The following GRPEL1 variants were observed in gnomAD, a reference collection of about 807,000 sequenced individuals.
GRPEL1 encodes grpE protein homolog 1, mitochondrial.
Under a neutral mutation model 22.1 loss-of-function variants are expected in GRPEL1, and 13 were observed. The observed-to-expected ratio is 0.59, with a 90% CI of 0.38 to 0.94. The LOEUF (loss-of-function observed/expected upper bound fraction) is 0.94, where lower values mean the gene tolerates loss of function less well. Ranked by LOEUF, GRPEL1 falls within the 40% of genes least tolerant of loss-of-function variation. The pLI is 0.00. For missense variants in GRPEL1, 289 were observed against 264.6 expected (o/e 1.09, Z -0.64); for synonymous variants, 109 against 105.3 (o/e 1.03, Z -0.21).
At chr4:7,065,096 G>A (rs1239611291) in intron 1 of GRPEL1, among the ~76,000 whole-genome samples, 1 of 152,132 alleles carries the variant, frequency 6.6e-6, no homozygotes, top group Non-Finnish European at 1.5e-5. Flanking sequence ...ACCTAACCAC[G>A]TACTTATGGA....
intron 1 of GRPEL1, among the ~76,000 whole-genome samples, chr4:7,066,707 G>A (rs1724177556): frequency 6.6e-6 from 1 of 152,138 alleles, no homozygotes; most frequent in Admixed American, 6.5e-5. Context: ...ACCCCTTTCC[G>A]AAGCACAGCC....
chr4:7,060,963 C>G lies in GRPEL1; in HGVS notation c.553G>C (p.Gly185Arg). 2 of 1,614,218 alleles carry G rather than the reference C, an allele frequency of 1.2e-6. No individual in the cohort carries two copies. Among genetic ancestry groups the G allele is most frequent in the Non-Finnish European group, 1.7e-6 (2 of 1,180,048 alleles). The change falls in exon 4 of 4, where the codon GGG (glycine) becomes CGG (arginine). Residue 185 changes from glycine (G) to arginine (R), a missense_variant. Gly to Arg is a moderately radical substitution (Grantham distance 125). Transcript: ENST00000264954. ...HEALFHTPVE[G>R]KEPGTVALVS... is the part of the protein sequence containing the mutation. The stretch of plus-strand genomic sequence containing the variant: ...AGGGCCACTGTGCCTGGCTCCTTCC[C>G]CTCAACCGGTGTGTGGAACAAGGCC...
Position 7,060,645 on chromosome 4 carries a change from T to TG in GRPEL1, c.*216dup. On this transcript the variant is annotated 3_prime_UTR_variant, in exon 4 of 4. Transcript: ENST00000264954. ...CCTGCTGAGCTCTTCTGAAAGTATG[T>TG]GGAACTATTCAACGCGTGGCACTAA... 1.7e-6 allele frequency: 1 copy of TG among 576,298 alleles called. No homozygotes were observed. The highest frequency in any genetic ancestry group is 2.2e-5 in the South Asian group (1 of 46,374). 35.7% of individuals were successfully genotyped at this position (576,298 alleles called of 1,614,324 possible).
intron 1 of GRPEL1, among the ~76,000 whole-genome samples, chr4:7,066,987 C>T (rs577547788): frequency 2.0e-5 from 3 of 152,326 alleles, no homozygotes; most frequent in African/African-American, 7.2e-5. Context: ...AAGTATTCCA[C>T]GTGGGTCGTT....
At chr4:7,062,357 A>G in intron 3 of GRPEL1, 28 bp downstream of exon 3, 1 of 1,238,186 alleles carries the variant, frequency 8.1e-7, no homozygotes, top group South Asian at 1.3e-5. Context: ...TTCTTTCCGG[A>G]ATCAACACCA....
At chr4:7,062,738 T>A (rs1724076296) in intron 2 of GRPEL1, among the ~76,000 whole-genome samples, 1 of 152,054 alleles carries the variant, frequency 6.6e-6, no homozygotes, top group South Asian at 2.1e-4. Context: ...GGTCTCCATC[T>A]CCTGACCTTG....
At chr4:7,064,463 T>C (rs1394916657) in intron 1 of GRPEL1, 2 of 326,510 alleles carry the variant, frequency 6.1e-6, no homozygotes, top group Non-Finnish European at 1.1e-5. Context: ...AACATATATA[T>C]ATTTTTTTAG....
intron 3 of GRPEL1, chr4:7,061,458 A>T: frequency 2.2e-6 from 1 of 448,014 alleles, no homozygotes. Flanking sequence ...AGAGGGGAAA[A>T]TACCCTTGAG....
rs373363396 is a variant in GRPEL1 at position 7,067,771 on chromosome 4, T to C, written c.62+200A>G. Among the ~76,000 whole-genome samples the C allele has an allele frequency of 6.4e-3, 978 of 152,316 alleles. 12 individuals are homozygous for C. Among genetic ancestry groups the C allele is most frequent in the African/African-American group, 0.022 (895 of 41,588 alleles). On this transcript the variant is annotated intron_variant, in intron 1 of 3. Coordinates refer to ENST00000264954, the MANE Select transcript of GRPEL1 (RefSeq NM_025196.4). ...ACACGGCGCCCGCCCGCTCCACGCTTCCCAAGCCCTGAGCTGGCAGCCTGG... is the reference window on the plus strand; with the variant it reads ...ACACGGCGCCCGCCCGCTCCACGCTCCCCAAGCCCTGAGCTGGCAGCCTGG...
intron 2 of GRPEL1, among the ~76,000 whole-genome samples, chr4:7,063,688 G>C (rs2108791988): frequency 6.6e-6 from 1 of 152,274 alleles, no homozygotes; most frequent in African/African-American, 2.4e-5. Context: ...ACTCCTACCT[G>C]CCTATGAGAG....
rs1055319397 is a variant in GRPEL1, at chr4:7,059,968, G to T, written c.*894C>A. The T allele has an allele frequency of 2.6e-5, 4 of 152,240 alleles. No homozygotes were observed. In the East Asian group the frequency reaches 7.7e-4, roughly 29 times the overall value. The allele number at this position is 152,240 out of a possible 1,614,324, so 9.4% of individuals were successfully genotyped here. On this transcript the variant is annotated 3_prime_UTR_variant, in exon 4 of 4. Coordinates refer to ENST00000264954, the MANE Select transcript of GRPEL1 (RefSeq NM_025196.4). ...CACGTGTCAAGCTGACAGCTTCTGG[G>T]CTGGAGTAGAGAATGGGAAGGCTAA...
intron 2 of GRPEL1, among the ~76,000 whole-genome samples, chr4:7,063,785 C>T (rs1475130065): frequency 6.6e-6 from 1 of 152,246 alleles, no homozygotes; most frequent in Non-Finnish European, 1.5e-5. Flanking sequence ...AACAACCATA[C>T]TGAGCATTCC....
intron 1 of GRPEL1, chr4:7,067,310 C>T (rs1724192735): frequency 6.6e-6 from 1 of 152,390 alleles, no homozygotes; most frequent in Non-Finnish European, 1.5e-5. Context: ...GAAATGTGCC[C>T]TTGTCTAAAC....
intron 3 of GRPEL1, chr4:7,061,413 T>G (rs1560399577): frequency 1.8e-6 from 1 of 547,806 alleles, no homozygotes. Flanking sequence ...TTACTAAATT[T>G]AGAATTCACT....
At chr4:7,065,707 C>T (rs373139691) in intron 1 of GRPEL1, among the ~76,000 whole-genome samples, 1 of 152,136 alleles carries the variant, frequency 6.6e-6, no homozygotes, top group East Asian at 1.9e-4. Context: ...GATGAAACTG[C>T]TTGGACAAAG....
intron 2 of GRPEL1, among the ~76,000 whole-genome samples, chr4:7,062,823 A>G (rs144275098): frequency 1.1e-4 from 17 of 152,140 alleles, no homozygotes; most frequent in African/African-American, 4.1e-4. Context: ...GGAGATTTAT[A>G]TTAATATGGA....
chr4:7,059,716 T>C lies in GRPEL1; in HGVS notation c.*1146A>G, dbSNP rs1476976305. ...GCAAAGGCAGCGAAAGGTTCTTTTC[T>C]CTTTTTTGTAACAGACGCCAATCAT... is the stretch of plus-strand genomic sequence containing the variant. On this transcript the variant is annotated 3_prime_UTR_variant, in exon 4 of 4. Transcript: ENST00000264954. The C allele has an allele frequency of 6.6e-6, 1 of 152,268 alleles. No homozygotes were observed. The highest frequency in any genetic ancestry group is 1.5e-5 in the Non-Finnish European group (1 of 68,054). The allele number at this position is 152,268 out of a possible 1,614,324, so 9.4% of individuals were successfully genotyped here.
Position 7,067,997 on chromosome 4 carries a change from A to C in GRPEL1, c.36T>G (p.Ser12Arg). 6.2e-7 allele frequency: 1 copy of C among 1,613,368 alleles called. No individual in the cohort carries two copies. The highest frequency in any genetic ancestry group is 8.5e-7 in the Non-Finnish European group (1 of 1,179,912). The change falls in exon 1 of 4, where the codon AGT (serine) becomes AGG (arginine). Residue 12 changes from serine (S) to arginine (R), a missense_variant. By Grantham distance (110) the Ser-to-Arg change is moderately radical. Transcript: ENST00000264954. ...AAQCVRLARRSLPALALSLRP... is the reference protein window; with the variant it reads ...AAQCVRLARRRLPALALSLRP... ...TGAGAGACAACGCCAAAGCAGGAAG[A>C]CTGCGCCGCGCCAACCTCACGCACT...
intron 1 of GRPEL1, among the ~76,000 whole-genome samples, chr4:7,064,673 A>G (rs1724125944): frequency 6.6e-6 from 1 of 151,886 alleles, no homozygotes; most frequent in African/African-American, 2.4e-5. Context: ...TAATTTTTGT[A>G]TTTTTAGTAG....
Sources: allele counts gnomAD v4.1 joint callset (sites outside exome capture counted in the v4.1 genomes callset), GRCh38; gene constraint gnomAD v4.1.1; transcripts MANE v1.5; gene names NCBI Gene and HGNC (gene_info 2026-07-23, HGNC 2026-07-21).